Variants in TENM3 observed in about 807,000 individuals in gnomAD.
TENM3 encodes the protein teneurin-3.
TENM3 carries 63 observed loss-of-function variants against 255.1 expected under a neutral mutation model. The ratio of observed to expected loss-of-function variants is 0.25; its 90% CI spans 0.20 to 0.30. The LOEUF (loss-of-function observed/expected upper bound fraction) is 0.30. Among genes scored for constraint, TENM3 ranks in the 10% least tolerant of loss-of-function variants. The probability of loss-of-function intolerance (pLI) is 1.00; values close to 1 mark genes in which losing one functional copy is unlikely to be tolerated. For synonymous variants in TENM3, 1,306 were observed against 1,322.3 expected (o/e 0.99, Z 0.27); for missense variants, 2,929 against 3,461.1 (o/e 0.85, Z 3.86).
At chr4:182,239,542 A>G (rs1463749133), upstream of TENM3, among the ~76,000 whole-genome samples, 1 of 152,236 alleles carries the variant, frequency 6.6e-6, no homozygotes, top group Admixed American at 6.5e-5. Flanking sequence ...GCATGCTGCA[A>G]AAACTTTGAC....
rs1267896815 is a variant in TENM3 at position 182,275,437 on chromosome 4, C to T, written c.-76+31961C>T. On this transcript the variant is annotated intron_variant, in intron 1 of 27. Coordinates refer to ENST00000511685, the MANE Select transcript of TENM3 (RefSeq NM_001080477.4). Reference sequence around the variant, plus strand: ...TCAGATTTGTGGAAACATTACTTGGCTTTCTCAACACCACCACACAGGCAT... The same window carrying T: ...TCAGATTTGTGGAAACATTACTTGGTTTTCTCAACACCACCACACAGGCAT... 3.3e-5 allele frequency among the ~76,000 whole-genome samples: 5 copies of T among 152,158 alleles called. No homozygotes were observed. In the East Asian group the frequency reaches 9.6e-4, roughly 29 times the overall value.
At chr4:181,504,922 GA>G in the TENM3 span, among the ~76,000 whole-genome samples, 1 of 152,306 alleles carries the variant, frequency 6.6e-6, no homozygotes, top group South Asian at 2.1e-4. Context: ...CTGCTAGCCT[GA>G]GTGATGACAT....
At chr4:182,356,393 G>A (rs928528973) in intron 3 of TENM3, among the ~76,000 whole-genome samples, 4 of 152,118 alleles carry the variant, frequency 2.6e-5, no homozygotes, top group East Asian at 1.9e-4. Flanking sequence ...AAGTCAAATC[G>A]TGGTAGTTCA....
chr4:182,101,098 GGGAGGGAGGAAGGAAA>G, the TENM3 span, among the ~76,000 whole-genome samples: 5 of 43,336 alleles, frequency 1.2e-4, no homozygotes, highest in East Asian at 5.1e-4. Flanking sequence ...GAGGGAGGGA[GGGAGGGAGGAAGGAAA>G]GAAGGAAGGA....
At chr4:181,754,540 G>A in the TENM3 span, among the ~76,000 whole-genome samples, 1 of 152,102 alleles carries the variant, frequency 6.6e-6, no homozygotes, top group African/African-American at 2.4e-5. Context: ...ATCTCAAATG[G>A]TAAAGAAGGG....
chr4:182,356,566 GAAC>G (rs150422781), intron 3 of TENM3, among the ~76,000 whole-genome samples: 9,029 of 152,072 alleles, frequency 0.059, 332 homozygotes, highest in African/African-American at 0.096. Context: ...CGGAGCGGCA[GAAC>G]AACAAGAAGG....
At chr4:182,303,929 GATTATA>G (rs985070658) in intron 1 of TENM3, among the ~76,000 whole-genome samples, 1 of 152,058 alleles carries the variant, frequency 6.6e-6, no homozygotes, top group Non-Finnish European at 1.5e-5. Flanking sequence ...TATATTGCGA[GATTATA>G]ATTAGAATAT....
the TENM3 span, among the ~76,000 whole-genome samples, chr4:181,805,597 T>TGTGTGTG: frequency 6.6e-6 from 1 of 150,440 alleles, no homozygotes; most frequent in African/African-American, 2.4e-5. Flanking sequence ...GTGTGCACTT[T>TGTGTGTG]TGTGTGTGTG....
At chr4:181,580,837 T>A in the TENM3 span, among the ~76,000 whole-genome samples, 1 of 152,152 alleles carries the variant, frequency 6.6e-6, no homozygotes, top group South Asian at 2.1e-4. Flanking sequence ...CTGAAGTTGG[T>A]GGTGCCTGTA....
chr4:182,135,190 G>A, the TENM3 span, among the ~76,000 whole-genome samples: 4 of 136,472 alleles, frequency 2.9e-5, no homozygotes, highest in Non-Finnish European at 6.2e-5. Context: ...TGGTAGCAGG[G>A]TGAGACTCGG....
chr4:182,120,794 G>C, the TENM3 span, among the ~76,000 whole-genome samples: 1 of 152,060 alleles, frequency 6.6e-6, no homozygotes, highest in Non-Finnish European at 1.5e-5. Flanking sequence ...GTGTTCAAGG[G>C]ACAGCAAGCA....
chr4:181,581,752 C>T, the TENM3 span, among the ~76,000 whole-genome samples: 5 of 145,028 alleles, frequency 3.4e-5, no homozygotes, highest in Non-Finnish European at 6.0e-5. Flanking sequence ...TTTTAATTTG[C>T]GACGGAGTCT....
At chr4:181,709,218 C>A in the TENM3 span, among the ~76,000 whole-genome samples, 1 of 152,290 alleles carries the variant, frequency 6.6e-6, no homozygotes, top group Middle Eastern at 3.4e-3. Flanking sequence ...TGGATGCCTA[C>A]TGTGTAGCAC....
the TENM3 span, among the ~76,000 whole-genome samples, chr4:181,598,212 G>T: frequency 6.6e-6 from 1 of 151,978 alleles, no homozygotes; most frequent in African/African-American, 2.4e-5. Context: ...TCTCTTCTCC[G>T]TTTACAACAC....
the TENM3 span, among the ~76,000 whole-genome samples, chr4:181,588,656 T>C: frequency 0.59 from 90,243 of 152,030 alleles, 26,980 homozygotes; most frequent in Non-Finnish European, 0.63. Context: ...TTTAACAGTT[T>C]GTTGAATTTT....
the TENM3 span, among the ~76,000 whole-genome samples, chr4:181,923,596 C>A: frequency 6.6e-6 from 1 of 152,040 alleles, no homozygotes; most frequent in African/African-American, 2.4e-5. Context: ...ATTAAATATA[C>A]CAAGTAAATC....
chr4:181,562,013 CGTT>C, the TENM3 span, among the ~76,000 whole-genome samples: 1 of 151,968 alleles, frequency 6.6e-6, no homozygotes, highest in African/African-American at 2.4e-5. Context: ...AATTTTGTGA[CGTT>C]GATCACTTTT....
At chr4:182,716,059 G>C in intron 13 of TENM3, among the ~76,000 whole-genome samples, 1 of 152,058 alleles carries the variant, frequency 6.6e-6, no homozygotes, top group East Asian at 1.9e-4. Context: ...TTATAGACAT[G>C]GCAGCATTAA....
intron 3 of TENM3, among the ~76,000 whole-genome samples, chr4:182,519,623 A>G (rs1275926226): frequency 6.6e-6 from 1 of 152,146 alleles, no homozygotes; most frequent in East Asian, 1.9e-4. Flanking sequence ...TGAGAATTCC[A>G]CTTCTATTTG....
Sources: gnomAD v4.1 joint callset for allele counts (sites outside exome capture counted in the v4.1 genomes callset) on GRCh38, gnomAD v4.1.1 for gene constraint, MANE v1.5 for transcripts, NCBI Gene and HGNC (gene_info 2026-07-23, HGNC 2026-07-21) for gene names.